SPAG16: variants seen among roughly 807,000 people sequenced by gnomAD.
SPAG16 encodes the protein sperm-associated antigen 16 protein.
Under a neutral mutation model 80.4 loss-of-function variants are expected in SPAG16, and 86 were observed. The ratio of observed to expected loss-of-function variants is 1.07; its 90% CI spans 0.90 to 1.28. The LOEUF is 1.28. Among genes scored for constraint, SPAG16 ranks in the 50% most tolerant of loss-of-function variants. The pLI, the probability that SPAG16 is intolerant of heterozygous loss-of-function variation, is 0.00. For synonymous variants in SPAG16, 294 were observed against 265.9 expected (o/e 1.11, Z -1.03); for missense variants, 870 against 765.3 (o/e 1.14, Z -1.61).
intron 10 of SPAG16, among the ~76,000 whole-genome samples, chr2:213,525,767 G>C (rs947856097): frequency 6.6e-6 from 1 of 151,828 alleles, no homozygotes; most frequent in Non-Finnish European, 1.5e-5. Flanking sequence ...CCATGTCTAT[G>C]TATATCTACA....
intron 15 of SPAG16, among the ~76,000 whole-genome samples, chr2:214,351,833 A>G (rs1698436179): frequency 2.9e-5 from 2 of 68,214 alleles, no homozygotes; most frequent in Non-Finnish European, 5.4e-5. Context: ...TCTATTTGAC[A>G]CACAAAAAAA....
intron 15 of SPAG16, among the ~76,000 whole-genome samples, chr2:214,264,019 C>T (rs890867647): frequency 3.3e-5 from 5 of 152,126 alleles, no homozygotes; most frequent in Admixed American, 2.0e-4. Flanking sequence ...CACAAAGTGG[C>T]ATCTACCAGA....
intron 10 of SPAG16, among the ~76,000 whole-genome samples, chr2:213,593,746 CTTTTTTTTTTTTTTTTTTTTTTTT>C (rs541949006): frequency 1.1e-3 from 57 of 50,194 alleles, no homozygotes; most frequent in Admixed American, 7.0e-3. Flanking sequence ...CCCACCACAT[CTTTTTTTTTTTTTTTTTTTTTTTT>C]TTTTTTTTTT....
At chr2:214,096,307 G>A (rs544985647) in intron 13 of SPAG16, among the ~76,000 whole-genome samples, 2 of 151,768 alleles carry the variant, frequency 1.3e-5, no homozygotes, top group Non-Finnish European at 2.9e-5. Context: ...TTTTTTTCAA[G>A]GAAAATGTAA....
intron 10 of SPAG16, among the ~76,000 whole-genome samples, chr2:213,505,009 A>G (rs981617225): frequency 1.3e-5 from 2 of 152,218 alleles, no homozygotes; most frequent in Non-Finnish European, 2.9e-5. Context: ...CAGCATAGAT[A>G]AACACTTATT....
intron 10 of SPAG16, among the ~76,000 whole-genome samples, chr2:213,714,252 T>C (rs1435922530): frequency 6.6e-6 from 1 of 152,212 alleles, no homozygotes; most frequent in Admixed American, 6.5e-5. Flanking sequence ...GGAATATTTT[T>C]AGTGTACTCA....
rs377255553 is a variant in SPAG16 at position 213,350,556 on chromosome 2, C to T, written c.673C>T (p.Pro225Ser). 6.3e-7 allele frequency: 1 copy of T among 1,577,508 alleles called. No homozygotes were observed. The highest frequency in any genetic ancestry group is 8.6e-7 in the Non-Finnish European group (1 of 1,166,326). ...GLKLHYASYE[P>S]TIRVLHEKHH... ...GAAGTTACATTATGCATCTTATGAA[C>T]CGACTATAAGGGTGTTACATGAGAA... is the stretch of plus-strand genomic sequence containing the variant. Residue 225 changes from proline to serine, a missense_variant, in exon 7 of 16, where the codon CCG (proline) becomes TCG (serine). Coordinates refer to ENST00000331683, the MANE Select transcript of SPAG16 (RefSeq NM_024532.5).
At chr2:213,412,284 C>A (rs191465365) in intron 9 of SPAG16, among the ~76,000 whole-genome samples, 8 of 152,288 alleles carry the variant, frequency 5.3e-5, no homozygotes, top group Admixed American at 3.3e-4. Flanking sequence ...GTGGTCTAAC[C>A]CTAGCCAATA....
chr2:213,898,258 T>C (rs1236057140), intron 11 of SPAG16, among the ~76,000 whole-genome samples: 1 of 152,196 alleles, frequency 6.6e-6, no homozygotes, highest in African/African-American at 2.4e-5. Flanking sequence ...TTCTAATTTA[T>C]CTTATTTCCA....
intron 13 of SPAG16, among the ~76,000 whole-genome samples, chr2:214,075,626 TTCATATCC>T (rs1559762331): frequency 6.6e-6 from 1 of 152,140 alleles, no homozygotes; most frequent in East Asian, 1.9e-4. Context: ...GAAGAAAAAC[TTCATATCC>T]TCAGGGGAAT....
intron 10 of SPAG16, among the ~76,000 whole-genome samples, chr2:213,665,718 T>A (rs1350011577): frequency 1.3e-5 from 2 of 152,202 alleles, no homozygotes; most frequent in South Asian, 2.1e-4. Flanking sequence ...TCATATTTTT[T>A]AAATTAATTA....
At chr2:213,604,228 C>T (rs1160328786) in intron 10 of SPAG16, among the ~76,000 whole-genome samples, 2 of 152,086 alleles carry the variant, frequency 1.3e-5, no homozygotes, top group Non-Finnish European at 2.9e-5. Context: ...AGTTTAAATG[C>T]TGTGTTTTTA....
intron 10 of SPAG16, among the ~76,000 whole-genome samples, chr2:213,829,089 C>G (rs1011075343): frequency 6.6e-6 from 1 of 152,172 alleles, no homozygotes; most frequent in African/African-American, 2.4e-5. Flanking sequence ...GATAGCAAAG[C>G]CAGCCAAATT....
chr2:213,369,126 C>G (rs963791171), intron 8 of SPAG16, among the ~76,000 whole-genome samples: 8 of 152,102 alleles, frequency 5.3e-5, no homozygotes, highest in African/African-American at 1.9e-4. Flanking sequence ...TAAAAATATC[C>G]TTTAAAATTT....
At chr2:213,970,698 T>C (rs138462985) in intron 12 of SPAG16, among the ~76,000 whole-genome samples, 95 of 152,356 alleles carry the variant, frequency 6.2e-4, no homozygotes, top group African/African-American at 2.1e-3. Flanking sequence ...CATCCTGGCC[T>C]CATTGGAGTA....
At chr2:213,382,750 T>TA (rs2067234419) in intron 9 of SPAG16, among the ~76,000 whole-genome samples, 1 of 152,224 alleles carries the variant, frequency 6.6e-6, no homozygotes, top group Admixed American at 6.5e-5. Context: ...CTAAGACATC[T>TA]AGGGTACTTG....
intron 15 of SPAG16, among the ~76,000 whole-genome samples, chr2:214,363,729 A>C (rs1576890026): frequency 6.6e-6 from 1 of 152,174 alleles, no homozygotes; most frequent in South Asian, 2.1e-4. Context: ...AGTTCATGTA[A>C]GCTATTTTGA....
chr2:214,136,287 C>T (rs931907001), intron 14 of SPAG16, among the ~76,000 whole-genome samples: 1 of 152,140 alleles, frequency 6.6e-6, no homozygotes, highest in Non-Finnish European at 1.5e-5. Context: ...CATATCCAAA[C>T]CATAGCATCA....
intron 12 of SPAG16, among the ~76,000 whole-genome samples, chr2:214,013,312 T>A (rs2047412272): frequency 6.6e-6 from 1 of 152,112 alleles, no homozygotes; most frequent in African/African-American, 2.4e-5. Context: ...ATCCATCACT[T>A]CATGCATTTA....
Sources: allele counts gnomAD v4.1 joint callset (sites outside exome capture counted in the v4.1 genomes callset), GRCh38; gene constraint gnomAD v4.1.1; transcripts MANE v1.5; gene names NCBI Gene and HGNC (gene_info 2026-07-23, HGNC 2026-07-21).